The following RIMS4 variants were observed in gnomAD, a reference collection of about 807,000 sequenced individuals.
RIMS4 encodes the protein regulating synaptic membrane exocytosis protein 4.
Under a neutral mutation model 29.0 loss-of-function variants are expected in RIMS4, and 9 were observed. The ratio of observed to expected loss-of-function variants is 0.31; its 90% CI spans 0.19 to 0.54. The LOEUF (loss-of-function observed/expected upper bound fraction) is 0.54, where lower values mean the gene tolerates loss of function less well. Among genes scored for constraint, RIMS4 ranks in the 20% least tolerant of loss-of-function variants. The probability of loss-of-function intolerance (pLI) is 0.94; values close to 1 mark genes in which losing one functional copy is unlikely to be tolerated. For missense variants in RIMS4, 193 were observed against 365.7 expected (o/e 0.53, Z 3.85); for synonymous variants, 130 against 152.9 (o/e 0.85, Z 1.10).
intron 1 of RIMS4, among the ~76,000 whole-genome samples, chr20:44,791,445 T>C (rs1462243367): frequency 1.3e-5 from 2 of 152,226 alleles, no homozygotes; most frequent in African/African-American, 4.8e-5. Flanking sequence ...ACAGAACCTT[T>C]CTTAGAGGTT....
At chr20:44,770,402 T>C (rs1601025403) in intron 2 of RIMS4, among the ~76,000 whole-genome samples, 1 of 152,118 alleles carries the variant, frequency 6.6e-6, no homozygotes, top group South Asian at 2.1e-4. Flanking sequence ...CCTACAGTTA[T>C]GAGAAAAGCA....
intron 1 of RIMS4, among the ~76,000 whole-genome samples, chr20:44,776,100 G>A (rs531650001): frequency 2.6e-5 from 4 of 151,972 alleles, no homozygotes; most frequent in Admixed American, 1.3e-4. Context: ...GCAACATAGC[G>A]AAACCCCACC....
At chr20:44,804,344 G>C (rs1474206632) in intron 1 of RIMS4, among the ~76,000 whole-genome samples, 1 of 152,166 alleles carries the variant, frequency 6.6e-6, no homozygotes, top group Non-Finnish European at 1.5e-5. Flanking sequence ...CTTGCTTGAG[G>C]TCAGAGCCAG....
intron 1 of RIMS4, among the ~76,000 whole-genome samples, chr20:44,772,587 G>T (rs1006889092): frequency 1.3e-5 from 2 of 152,214 alleles, no homozygotes; most frequent in African/African-American, 4.8e-5. Flanking sequence ...CTAGTAAGGT[G>T]GGGAGCCAGG....
chr20:44,756,399 A>G lies in RIMS4; in HGVS notation c.592-47T>C. 6.5e-7 allele frequency: 1 copy of G among 1,544,720 alleles called. No individual in the cohort carries two copies. Among genetic ancestry groups the G allele is most frequent in the Non-Finnish European group, 8.9e-7 (1 of 1,128,018 alleles). ...GGTTCAAATCCTGCCAGTGCCACTC[A>G]CAGGCCCAGAAGCAGAACCTGGGTC... On this transcript the variant is annotated intron_variant, in intron 5 of 5. Coordinates refer to ENST00000372851, the MANE Select transcript of RIMS4 (RefSeq NM_182970.4). The surrounding 1 kb of genome is among the most constrained non-coding windows in gnomAD (Gnocchi z 5.9).
In RIMS4 at chr20:44,753,678, C is replaced by G. The variant is rs911042207; in HGVS notation, c.*2456G>C. On this transcript the variant is annotated 3_prime_UTR_variant, in exon 6 of 6. Transcript: ENST00000372851. Reference sequence around the variant, plus strand: ...TGAAAATGTCACTCTCCTCCCCAAACCCCCATCCCTTGGTGAGGACAGACC... The same window carrying G: ...TGAAAATGTCACTCTCCTCCCCAAAGCCCCATCCCTTGGTGAGGACAGACC... 6.6e-6 allele frequency: 1 copy of G among 152,456 alleles called. No individual in the cohort carries two copies. The highest frequency in any genetic ancestry group is 1.5e-5 in the Non-Finnish European group (1 of 68,206). 9.4% of individuals were successfully genotyped at this position (152,456 alleles called of 1,614,324 possible). A position where few individuals can be genotyped will look rare whatever the true frequency, so the allele number is the denominator to read the frequency against.
intron 1 of RIMS4, among the ~76,000 whole-genome samples, chr20:44,789,138 G>C (rs1179314181): frequency 6.6e-6 from 1 of 151,350 alleles, no homozygotes; most frequent in African/African-American, 2.4e-5. Flanking sequence ...ACAGCTAACA[G>C]GGTAGAAGAA....
intron 2 of RIMS4, among the ~76,000 whole-genome samples, chr20:44,763,307 C>T (rs1163788290): frequency 6.6e-6 from 1 of 152,174 alleles, no homozygotes; most frequent in African/African-American, 2.4e-5. Flanking sequence ...ATTACCTTGC[C>T]GAGTTGTTGG....
chr20:44,805,281 G>C (rs977371129), intron 1 of RIMS4, among the ~76,000 whole-genome samples: 6 of 152,016 alleles, frequency 3.9e-5, no homozygotes, highest in Admixed American at 2.0e-4. Flanking sequence ...ACCCCACCTT[G>C]GGCGACAGAG....
In RIMS4 at chr20:44,810,183, T is replaced by C; in HGVS notation, c.89A>G (p.Glu30Gly). The C allele has an allele frequency of 6.3e-7, 1 of 1,587,160 alleles. No homozygotes were observed. Among genetic ancestry groups the C allele is most frequent in the South Asian group, 1.1e-5 (1 of 88,888 alleles). Residue 30 changes from glutamate (E) to glycine (G), a missense_variant, in exon 1 of 6, where the codon GAG becomes GGG. Glu to Gly is a moderately conservative substitution (Grantham distance 98). Transcript: ENST00000372851. The part of the protein sequence containing the change: ...YFPCMNSFDD[E>G]DAGDSRRLKG... ...GCGGGCCGCGCGCTTACCTGCGTCC[T>C]CGTCGTCGAAGGAGTTCATGCACGG...
At chr20:44,798,703 A>G (rs1347437274) in intron 1 of RIMS4, among the ~76,000 whole-genome samples, 1 of 152,202 alleles carries the variant, frequency 6.6e-6, no homozygotes, top group African/African-American at 2.4e-5. Context: ...CTACCCTGCT[A>G]TAGGAGTACC....
intron 1 of RIMS4, among the ~76,000 whole-genome samples, chr20:44,782,337 G>A (rs2066188133): frequency 6.6e-6 from 1 of 152,118 alleles, no homozygotes; most frequent in Admixed American, 6.5e-5. Context: ...CACAACCTTG[G>A]CTCACTGCAA....
intron 1 of RIMS4, among the ~76,000 whole-genome samples, chr20:44,794,064 T>C (rs566968607): frequency 3.3e-5 from 5 of 152,288 alleles, no homozygotes; most frequent in African/African-American, 4.8e-5. Context: ...AGTGAGACCC[T>C]GTCTCTAAAA....
At chr20:44,795,558 G>A (rs540598570) in intron 1 of RIMS4, among the ~76,000 whole-genome samples, 46 of 152,252 alleles carry the variant, frequency 3.0e-4, no homozygotes, top group African/African-American at 1.0e-3. Flanking sequence ...AGTGAACCTG[G>A]GAGGCAGAGC....
intron 1 of RIMS4, among the ~76,000 whole-genome samples, chr20:44,788,389 G>T (rs2066217958): frequency 6.6e-6 from 1 of 152,178 alleles, no homozygotes; most frequent in African/African-American, 2.4e-5. Flanking sequence ...CGCTGGGCTA[G>T]AACTTGGTCT....
chr20:44,799,024 C>T (rs536810008), intron 1 of RIMS4, among the ~76,000 whole-genome samples: 3 of 152,316 alleles, frequency 2.0e-5, no homozygotes, highest in South Asian at 2.1e-4. Context: ...TCCCTTGAGC[C>T]GGGTGTGGTG....
chr20:44,801,960 TG>T (rs2066279274), intron 1 of RIMS4, among the ~76,000 whole-genome samples: 4 of 152,152 alleles, frequency 2.6e-5, no homozygotes, highest in Admixed American at 2.6e-4. Context: ...GTAGGGTCCC[TG>T]GATCAGTACC....
In RIMS4 at chr20:44,752,579, G is replaced by A. The variant is rs922240214; in HGVS notation, c.*3555C>T. ...ACCTCAGCTCCCTGCTTTGAAATGG[G>A]GATGACGGCACAGGCCACCACCTAC... On this transcript the variant is annotated 3_prime_UTR_variant, in exon 6 of 6. Coordinates refer to ENST00000372851, the MANE Select transcript of RIMS4 (RefSeq NM_182970.4). 1.3e-5 allele frequency: 2 copies of A among 152,422 alleles called. No individual in the cohort carries two copies. Among genetic ancestry groups the A allele is most frequent in the Non-Finnish European group, 2.9e-5 (2 of 68,192 alleles). 9.4% of individuals were successfully genotyped at this position (152,422 alleles called of 1,614,324 possible).
Position 44,774,656 on chromosome 20 carries a change from T to C in RIMS4, c.98-3243A>G, listed in dbSNP as rs546690919. Among the ~76,000 whole-genome samples, 304 of 152,266 alleles carry C rather than the reference T, an allele frequency of 2.0e-3. 1 individual carries two copies. The highest frequency in any genetic ancestry group is 7.1e-3 in the African/African-American group (297 of 41,544). ...CAACACTCCTTAATAAACTCTCCTT[T>C]ATATATACATCTATCCTATTAGTTC... is the stretch of plus-strand genomic sequence containing the variant. On this transcript the variant is annotated intron_variant, in intron 1 of 5. Transcript: ENST00000372851.
Sources: allele counts gnomAD v4.1 joint callset (sites outside exome capture counted in the v4.1 genomes callset), GRCh38; gene constraint gnomAD v4.1.1; non-coding constraint Gnocchi (gnomAD v3.1); transcripts MANE v1.5; gene names NCBI Gene and HGNC (gene_info 2026-07-23, HGNC 2026-07-21).